Variants in SP3 observed in about 807,000 individuals in gnomAD.
SP3 encodes the protein transcription factor Sp3.
SP3 carries 10 observed loss-of-function variants against 70.3 expected under a neutral mutation model. The ratio of observed to expected loss-of-function variants is 0.14; its 90% CI spans 0.09 to 0.24. The LOEUF is 0.24. Among genes scored for constraint, SP3 ranks in the 10% least tolerant of loss-of-function variants. The pLI is 1.00. For missense variants in SP3, 825 were observed against 914.6 expected (o/e 0.90, Z 1.26); for synonymous variants, 402 against 333.5 (o/e 1.21, Z -2.24).
Position 173,910,078 on chromosome 2 carries a change from G to A in SP3, c.2209C>T (p.Leu737Phe). Residue 737 changes from leucine to phenylalanine, a missense_variant, in exon 7 of 7, where the codon CTT becomes TTT. This residue lies in a region of SP3 where 91 missense variants were observed against 97.4 expected (regional missense o/e 0.93). Transcript: ENST00000310015. The stretch of plus-strand genomic sequence containing the variant: ...ACAGAACCTTGTTGAATATTTGCAA[G>A]GATAAGCGTTGTTCCTCCTGCAGTA... ...LITAGGTTLI[L>F]ANIQQGSVSG... 2 of 1,612,668 alleles carry A rather than the reference G, an allele frequency of 1.2e-6. No homozygotes were observed. The highest frequency in any genetic ancestry group is 1.7e-6 in the Non-Finnish European group (2 of 1,179,206).
At chr2:173,944,904 G>A (rs1690487439) in intron 4 of SP3, among the ~76,000 whole-genome samples, 4 of 152,184 alleles carry the variant, frequency 2.6e-5, no homozygotes, top group Admixed American at 2.6e-4. Flanking sequence ...ATCACTTGAA[G>A]CTAGGAGTTT....
chr2:173,939,364 T>C (rs1690296122), intron 4 of SP3, among the ~76,000 whole-genome samples: 1 of 152,212 alleles, frequency 6.6e-6, no homozygotes, highest in Non-Finnish European at 1.5e-5. Flanking sequence ...ACCTTGGGAT[T>C]GTGCTTTCAG....
In SP3 at chr2:173,902,314, A is replaced by G. The variant is rs978734729; in HGVS notation, c.*7627T>C. ...TTCATTGTTATTCATTGGAAAAAACATATCTGCCAAGGCAGGATTGGGAGG... is the reference window on the plus strand; with the variant it reads ...TTCATTGTTATTCATTGGAAAAAACGTATCTGCCAAGGCAGGATTGGGAGG... On this transcript the variant is annotated 3_prime_UTR_variant, in exon 7 of 7. Coordinates refer to ENST00000310015, the MANE Select transcript of SP3 (RefSeq NM_003111.5). Among the ~76,000 whole-genome samples, 1 of 152,242 alleles carries G rather than the reference A, an allele frequency of 6.6e-6. No homozygotes were observed. The highest frequency in any genetic ancestry group is 2.4e-5 in the African/African-American group (1 of 41,472).
In SP3 at chr2:173,905,507, G is replaced by A. The variant is rs1689287368; in HGVS notation, c.*4434C>T. 6.6e-6 allele frequency among the ~76,000 whole-genome samples: 1 copy of A among 152,238 alleles called. No homozygotes were observed. The highest frequency in any genetic ancestry group is 6.5e-5 in the Admixed American group (1 of 15,300). ...GTGAAAAATGGGGAAAAGGACTGAA[G>A]GAGATAGGCCTTCTCAGGATATCAT... On this transcript the variant is annotated 3_prime_UTR_variant, in exon 7 of 7. Coordinates refer to ENST00000310015, the MANE Select transcript of SP3 (RefSeq NM_003111.5).
chr2:173,964,933 C>G lies in SP3; in HGVS notation c.7+232G>C, dbSNP rs1210811533. 7.3e-6 allele frequency: 4 copies of G among 545,086 alleles called. No individual in the cohort carries two copies. In the South Asian group the frequency reaches 1.0e-4, roughly 14 times the overall value. 33.8% of individuals were successfully genotyped at this position (545,086 alleles called of 1,614,324 possible). ...ACAGGGGGATGCGCTCCCGGCGGAC[C>G]GGGCCGCCCGCCCCGGGGCCTGGCG... On this transcript the variant is annotated intron_variant, in intron 1 of 6. Transcript: ENST00000310015.
At chr2:173,918,421 G>A (rs1689664226) in intron 5 of SP3, among the ~76,000 whole-genome samples, 172 bp downstream of exon 5, 1 of 151,998 alleles carries the variant, frequency 6.6e-6, no homozygotes, top group Non-Finnish European at 1.5e-5. Flanking sequence ...ATTGAGAACT[G>A]AAAATCCAAT....
rs1227955215 is a variant in SP3, at chr2:173,907,732, ATTAATC to A, written c.*2203_*2208del. ...CTGCTGCTCACTTAATTCTCTTCAC[ATTAATC>A]TTAATTTAAAAATTCTAAAAATTAC... On this transcript the variant is annotated 3_prime_UTR_variant, in exon 7 of 7. Coordinates refer to ENST00000310015, the MANE Select transcript of SP3 (RefSeq NM_003111.5). 1 of 152,122 alleles carries A rather than the reference ATTAATC, an allele frequency of 6.6e-6. No homozygotes were observed. The highest frequency in any genetic ancestry group is 6.6e-5 in the Admixed American group (1 of 15,266). 9.4% of individuals were successfully genotyped at this position (152,122 alleles called of 1,614,324 possible). A position where few individuals can be genotyped will look rare whatever the true frequency, so the allele number is the denominator to read the frequency against.
chr2:173,937,600 A>T (rs537321822), intron 4 of SP3, among the ~76,000 whole-genome samples: 2 of 152,318 alleles, frequency 1.3e-5, no homozygotes, highest in East Asian at 3.9e-4. Flanking sequence ...TCTGATGCTC[A>T]CTAAAGTCCG....
rs1689245176 is a variant in SP3, at chr2:173,904,011, G to A, written c.*5930C>T. Among the ~76,000 whole-genome samples the A allele has an allele frequency of 6.6e-6, 1 of 151,822 alleles. No individual in the cohort carries two copies. The highest frequency in any genetic ancestry group is 2.4e-5 in the African/African-American group (1 of 41,306). On this transcript the variant is annotated 3_prime_UTR_variant, in exon 7 of 7. Coordinates refer to ENST00000310015, the MANE Select transcript of SP3 (RefSeq NM_003111.5). Reference sequence around the variant, plus strand: ...TGGATGGGGGTCGGGGGGTGGGGATGGTTGTAGGATGAAACTGCTCTACCT... The same window carrying A: ...TGGATGGGGGTCGGGGGGTGGGGATAGTTGTAGGATGAAACTGCTCTACCT...
rs1262364796 is a variant in SP3 at position 173,904,085 on chromosome 2, C to T, written c.*5856G>A. Among the ~76,000 whole-genome samples the T allele has an allele frequency of 2.0e-5, 3 of 152,132 alleles. No homozygotes were observed. The highest frequency in any genetic ancestry group is 4.4e-5 in the Non-Finnish European group (3 of 68,022). ...CTTAAGGAGGGCACTACCTAGATCC[C>T]TCGCATGCGGGGTTCACAACGGGGT... On this transcript the variant is annotated 3_prime_UTR_variant, in exon 7 of 7. Coordinates refer to ENST00000310015, the MANE Select transcript of SP3 (RefSeq NM_003111.5).
At chr2:173,962,648 A>T (rs1250103018) in intron 3 of SP3, among the ~76,000 whole-genome samples, 1 of 131,820 alleles carries the variant, frequency 7.6e-6, no homozygotes, top group Non-Finnish European at 1.6e-5. Context: ...GGTTTAACTT[A>T]AAAAAAAAAA....
chr2:173,946,848 A>G (rs1690556144), intron 4 of SP3, among the ~76,000 whole-genome samples: 1 of 149,844 alleles, frequency 6.7e-6, no homozygotes, highest in African/African-American at 2.5e-5. Flanking sequence ...TAGCCTCCCC[A>G]GTAGCTGCGA....
chr2:173,962,334 G>C (rs575996278), intron 3 of SP3, among the ~76,000 whole-genome samples: 12 of 152,246 alleles, frequency 7.9e-5, no homozygotes, highest in African/African-American at 2.9e-4. Flanking sequence ...AAGATCAGGA[G>C]AAGCAATCTG....
At chr2:173,963,975 T>C in intron 2 of SP3, 92 bp from the exon 3 acceptor site, 3 of 866,420 alleles carry the variant, frequency 3.5e-6, no homozygotes, top group African/African-American at 1.8e-5. Flanking sequence ...TACGACTCGG[T>C]CCCCGCCGAC....
rs750590183 is a variant in SP3, at chr2:173,963,885, TA to T, written c.157-3del. The T allele has an allele frequency of 4.2e-5, 63 of 1,504,226 alleles. No homozygotes were observed. The Middle Eastern group carries it at 9.8e-4, about 23-fold the overall frequency. 93.2% of individuals were successfully genotyped at this position (1,504,226 alleles called of 1,614,324 possible). On this transcript the variant is annotated splice_region_variant and splice_polypyrimidine_tract_variant and intron_variant, in intron 2 of 6. Transcript: ENST00000310015. ...AGCGAGCGGTGACGGCTGAGTGTCC[TA>T]CCCCCAATGGGCGGGTTCAGAGAGG...
intron 5 of SP3, among the ~76,000 whole-genome samples, chr2:173,917,282 CAATTTT>C (rs1689638119): frequency 6.6e-6 from 1 of 151,758 alleles, no homozygotes; most frequent in Non-Finnish European, 1.5e-5. Flanking sequence ...TTAGAATTCA[CAATTTT>C]AATTGACCAA....
rs1023030329 is a variant in SP3, at chr2:173,904,035, C to T, written c.*5906G>A. On this transcript the variant is annotated 3_prime_UTR_variant, in exon 7 of 7. Coordinates refer to ENST00000310015, the MANE Select transcript of SP3 (RefSeq NM_003111.5). The stretch of plus-strand genomic sequence containing the variant: ...TGGTTGTAGGATGAAACTGCTCTAC[C>T]TCAGATCATCAGACATTAGATTCTC... Among the ~76,000 whole-genome samples, 2 of 152,096 alleles carry T rather than the reference C, an allele frequency of 1.3e-5. No homozygotes were observed. Among genetic ancestry groups the T allele is most frequent in the African/African-American group, 4.8e-5 (2 of 41,404 alleles).
At chr2:173,933,342 T>A (rs959050837) in intron 4 of SP3, among the ~76,000 whole-genome samples, 1 of 152,116 alleles carries the variant, frequency 6.6e-6, no homozygotes, top group African/African-American at 2.4e-5. Context: ...TTTCGAGTGC[T>A]TAATAGCATC....
At chr2:173,964,186 C>A in intron 2 of SP3, 1 of 457,990 alleles carries the variant, frequency 2.2e-6, no homozygotes, top group South Asian at 3.5e-5. Context: ...GGCCCACACT[C>A]ACACGCGCAC....
Sources: allele counts gnomAD v4.1 joint callset (sites outside exome capture counted in the v4.1 genomes callset), GRCh38; gene constraint gnomAD v4.1.1; regional missense constraint gnomAD v4.1.1; transcripts MANE v1.5; gene names NCBI Gene and HGNC (gene_info 2026-07-23, HGNC 2026-07-21).